Variants in PPP4R3A observed in about 807,000 individuals in gnomAD.
PPP4R3A encodes the protein serine/threonine-protein phosphatase 4 regulatory subunit 3A.
Under a neutral mutation model 91.7 loss-of-function variants are expected in PPP4R3A, and 15 were observed. That is an observed-to-expected ratio of 0.16 (90% confidence interval 0.11 to 0.25). The LOEUF (loss-of-function observed/expected upper bound fraction) is 0.25, where lower values mean the gene tolerates loss of function less well. Among genes scored for constraint, PPP4R3A ranks in the 10% least tolerant of loss-of-function variants. The pLI is 1.00. For synonymous variants in PPP4R3A, 377 were observed against 348.7 expected (o/e 1.08, Z -0.91); for missense variants, 623 against 998.4 (o/e 0.62, Z 5.07).
chr14:91,490,873 C>T, intron 1 of PPP4R3A, 71 bp from the exon 2 acceptor site: 1 of 644,428 alleles, frequency 1.6e-6, no homozygotes, highest in Non-Finnish European at 2.4e-6. Context: ...TACATACACA[C>T]ATATTTCCTT....
At chr14:91,467,588 T>TAATAAG (rs112908983) in intron 10 of PPP4R3A, among the ~76,000 whole-genome samples, 3 of 151,540 alleles carry the variant, frequency 2.0e-5, no homozygotes, top group Non-Finnish European at 2.9e-5. Context: ...TCCATGTTTT[T>TAATAAG]AACAACAAAA....
At chr14:91,498,947 AT>A (rs917959819) in intron 1 of PPP4R3A, among the ~76,000 whole-genome samples, 1 of 149,510 alleles carries the variant, frequency 6.7e-6, no homozygotes, top group Non-Finnish European at 1.5e-5. Flanking sequence ...AGCCTGGCTA[AT>A]TTTTTTATTT....
At chr14:91,496,717 A>C (rs1890595047) in intron 1 of PPP4R3A, among the ~76,000 whole-genome samples, 1 of 152,206 alleles carries the variant, frequency 6.6e-6, no homozygotes, top group Non-Finnish European at 1.5e-5. Context: ...TTGGTCTAGG[A>C]AGTCCAGCTC....
At chr14:91,500,905 G>A (rs1890906107) in intron 1 of PPP4R3A, among the ~76,000 whole-genome samples, 1 of 152,118 alleles carries the variant, frequency 6.6e-6, no homozygotes, top group Non-Finnish European at 1.5e-5. Context: ...GGTGGTATGT[G>A]CCTGTAGTAC....
rs755484959 is a variant in PPP4R3A at position 91,501,871 on chromosome 14, ATTTTT to A, written c.142+7630_142+7634del. 1.5e-4 allele frequency among the ~76,000 whole-genome samples: 15 copies of A among 100,236 alleles called. 1 individual carries two copies. The highest frequency in any genetic ancestry group is 5.4e-4 in the African/African-American group (14 of 25,800). The allele number at this position is 100,236 out of a possible 152,430, so 65.8% of individuals were successfully genotyped here. Reference sequence around the variant, plus strand: ...ATGCTCCCGCCACCAAGCCCGGCTAATTTTTTTTTTTTTTTTTTTTTTTGGTATTT... The same window carrying A: ...ATGCTCCCGCCACCAAGCCCGGCTAATTTTTTTTTTTTTTTTTTGGTATTT... On this transcript the variant is annotated intron_variant, in intron 1 of 14. Transcript: ENST00000554943.
intron 2 of PPP4R3A, among the ~76,000 whole-genome samples, chr14:91,489,681 A>G (rs890318213): frequency 6.6e-6 from 1 of 152,242 alleles, no homozygotes; most frequent in African/African-American, 2.4e-5. Context: ...CAAAACATGT[A>G]TTTAATGTAT....
chr14:91,466,842 C>A (rs887450687), intron 10 of PPP4R3A, among the ~76,000 whole-genome samples: 1 of 151,994 alleles, frequency 6.6e-6, no homozygotes, highest in Non-Finnish European at 1.5e-5. Flanking sequence ...TGCTAATAGA[C>A]CACATTTTAA....
chr14:91,462,159 G>A lies in PPP4R3A; in HGVS notation c.2054C>T (p.Thr685Ile). Residue 685 changes from threonine to isoleucine, a missense_variant, in exon 13 of 15, where the codon ACA (threonine) becomes ATA (isoleucine). By Grantham distance (89) the Thr-to-Ile change is moderately conservative (BLOSUM62 -1). Around this residue, in one of 5 missense-constraint regions of PPP4R3A, gnomAD observed 201 missense variants for 229.9 expected, o/e 0.87. Coordinates refer to ENST00000554943, the MANE Select transcript of PPP4R3A (RefSeq NM_001366432.2). ...LEDEEEMWFN[T>I]DEDDMEDGEA... ...TCCATCTTCCATGTCATCTTCATCT[G>A]TGTTAAACCACATCTCTTCTTCATC... The A allele has an allele frequency of 6.2e-7, 1 of 1,608,816 alleles. No individual in the cohort carries two copies. The highest frequency in any genetic ancestry group is 1.1e-5 in the South Asian group (1 of 89,892).
chr14:91,508,420 A>G (rs1250521539), intron 1 of PPP4R3A, among the ~76,000 whole-genome samples: 2 of 152,220 alleles, frequency 1.3e-5, no homozygotes, highest in Non-Finnish European at 2.9e-5. Context: ...AGTTTGCAAT[A>G]ATTCAGATAC....
rs1891677079 is a variant in PPP4R3A at position 91,509,834 on chromosome 14, C to T, written c.-187G>A. ...CCGCTCCAGGGACCGAGCTCTGGGC[C>T]GCCGCCTTTCCTCGCCTCCGGCTCC... On this transcript the variant is annotated 5_prime_UTR_variant, in exon 1 of 15. Coordinates refer to ENST00000554943, the MANE Select transcript of PPP4R3A (RefSeq NM_001366432.2). 1.7e-6 allele frequency: 2 copies of T among 1,175,124 alleles called. No individual in the cohort carries two copies. The highest frequency in any genetic ancestry group is 1.6e-5 in the African/African-American group (1 of 61,636). 72.8% of individuals were successfully genotyped at this position (1,175,124 alleles called of 1,614,324 possible).
At chr14:91,493,414 G>A (rs1890346662) in intron 1 of PPP4R3A, among the ~76,000 whole-genome samples, 1 of 150,760 alleles carries the variant, frequency 6.6e-6, no homozygotes, top group African/African-American at 2.5e-5. Flanking sequence ...GATCTCCTGA[G>A]CCCAGAATCT....
chr14:91,505,247 G>T (rs1359682002), intron 1 of PPP4R3A, among the ~76,000 whole-genome samples: 1 of 152,180 alleles, frequency 6.6e-6, no homozygotes, highest in Non-Finnish European at 1.5e-5. Context: ...GATGTCAGCA[G>T]TTCAAGACCA....
At chr14:91,489,344 A>C (rs1431596206) in intron 2 of PPP4R3A, among the ~76,000 whole-genome samples, 1 of 152,236 alleles carries the variant, frequency 6.6e-6, no homozygotes, top group Non-Finnish European at 1.5e-5. Context: ...ATTAAAGGCT[A>C]CTAGGATAAG....
rs970230658 is a variant in PPP4R3A, at chr14:91,472,492, C to T, written c.1501+541G>A. ...TTTTTTTTTTTGAGTTGAAGTCTCA[C>T]TCTGTCGCCCAGGCTGGATGGAGTG... On this transcript the variant is annotated intron_variant, in intron 9 of 14. Coordinates refer to ENST00000554943, the MANE Select transcript of PPP4R3A (RefSeq NM_001366432.2). 2.6e-4 allele frequency among the ~76,000 whole-genome samples: 37 copies of T among 141,396 alleles called. 1 individual carries two copies. Among genetic ancestry groups the T allele is most frequent in the Non-Finnish European group, 5.0e-4 (33 of 65,460 alleles). 92.8% of individuals were successfully genotyped at this position (141,396 alleles called of 152,430 possible).
At chr14:91,459,453 G>C (rs1309317215) in intron 14 of PPP4R3A, among the ~76,000 whole-genome samples, 1 of 152,124 alleles carries the variant, frequency 6.6e-6, no homozygotes, top group Admixed American at 6.5e-5. Flanking sequence ...AATTACCCAG[G>C]AGTTAGAAAA....
In PPP4R3A at chr14:91,509,713, G is replaced by A. The variant is rs1341128566; in HGVS notation, c.-66C>T. ...CGCCCAGGAAAGGGGCCCTGGAGAG[G>A]CGAGGGGCGAGGCGTGAGGGCGCCC... On this transcript the variant is annotated 5_prime_UTR_variant, in exon 1 of 15. Coordinates refer to ENST00000554943, the MANE Select transcript of PPP4R3A (RefSeq NM_001366432.2). 4.0e-6 allele frequency: 6 copies of A among 1,502,662 alleles called. No homozygotes were observed. Among genetic ancestry groups the A allele is most frequent in the East Asian group, 2.6e-5 (1 of 38,242 alleles). The allele number at this position is 1,502,662 out of a possible 1,614,324, so 93.1% of individuals were successfully genotyped here.
chr14:91,474,540 A>C (rs1889059852), intron 7 of PPP4R3A: 1 of 152,200 alleles, frequency 6.6e-6, no homozygotes, highest in Non-Finnish European at 1.5e-5. Flanking sequence ...GTATATCAAT[A>C]CATGTTCATA....
In PPP4R3A at chr14:91,485,191, T is replaced by C. The variant is rs560284273; in HGVS notation, c.297+441A>G. On this transcript the variant is annotated intron_variant, in intron 3 of 14. Coordinates refer to ENST00000554943, the MANE Select transcript of PPP4R3A (RefSeq NM_001366432.2). ...AAGAAATGATGGTGGCTTGGAAAAC[T>C]ACAAAAGTAAAAATGAAGATAAGCC... 3.9e-5 allele frequency among the ~76,000 whole-genome samples: 6 copies of C among 152,316 alleles called. No individual in the cohort carries two copies. In the East Asian group the frequency reaches 5.8e-4, roughly 15 times the overall value.
rs1403482003 is a variant in PPP4R3A at position 91,509,868 on chromosome 14, A to G, written c.-221T>C. On this transcript the variant is annotated 5_prime_UTR_variant, in exon 1 of 15. Coordinates refer to ENST00000554943, the MANE Select transcript of PPP4R3A (RefSeq NM_001366432.2). ...TCCTCGCCTCCGGCTCCCCGGCGCT[A>G]TTGTCCAGGCCTGGCGAGCCCGGCG... is the stretch of plus-strand genomic sequence containing the variant. 5.3e-6 allele frequency: 6 copies of G among 1,129,342 alleles called. No individual in the cohort carries two copies. Among genetic ancestry groups the G allele is most frequent in the African/African-American group, 1.7e-5 (1 of 60,328 alleles). The allele number at this position is 1,129,342 out of a possible 1,614,324, so 70.0% of individuals were successfully genotyped here. A position where few individuals can be genotyped will look rare whatever the true frequency, so the allele number is the denominator to read the frequency against.
Sources: allele counts gnomAD v4.1 joint callset (sites outside exome capture counted in the v4.1 genomes callset), GRCh38; gene constraint gnomAD v4.1.1; regional missense constraint gnomAD v4.1.1; transcripts MANE v1.5; gene names NCBI Gene and HGNC (gene_info 2026-07-23, HGNC 2026-07-21).